The following C10orf53 variants were observed in gnomAD, a reference collection of about 807,000 sequenced individuals.
C10orf53 encodes the protein UPF0728 protein C10orf53.
Under a neutral mutation model 9.4 loss-of-function variants are expected in C10orf53, and 8 were observed. That is an observed-to-expected ratio of 0.85 (90% confidence interval 0.50 to 1.53). The LOEUF is 1.53. Among genes scored for constraint, C10orf53 ranks in the 40% most tolerant of loss-of-function variants. The pLI is 0.00. For missense variants in C10orf53, 117 were observed against 117.8 expected, an observed-to-expected ratio of 0.99 and a Z score of 0.03; for synonymous variants, 48 against 46.0, an observed-to-expected ratio of 1.04 and a Z score of -0.18.
At position 49,679,894 on chromosome 10, in the gene C10orf53, G is replaced by C. The variant is rs924317654; in HGVS notation, c.97+100G>C. 4.6e-6 allele frequency: 5 copies of C among 1,085,516 alleles called. No individual in the cohort carries two copies. In the African/African-American group the frequency reaches 8.4e-5, roughly 18 times the overall value. 67.2% of individuals were successfully genotyped at this position (1,085,516 alleles called of 1,614,324 possible). ...GGCCTTCCTCAGACCCCCACGAAGC[G>C]CCACCTCTCCAGGAAGTCTTCCCCA... On this transcript the variant is annotated intron_variant, in intron 1 of 2. Coordinates refer to ENST00000374111, the MANE Select transcript of C10orf53 (RefSeq NM_001042427.3).
intron 1 of C10orf53, among the ~76,000 whole-genome samples, chr10:49,692,564 GC>G (rs994050545): frequency 6.6e-6 from 1 of 152,134 alleles, no homozygotes; most frequent in African/African-American, 2.4e-5. Flanking sequence ...TAAAGAATAT[GC>G]CCCCGTCTGT....
downstream of C10orf53, among the ~76,000 whole-genome samples, chr10:49,698,994 C>T (rs1270234959): frequency 6.6e-6 from 1 of 152,078 alleles, no homozygotes; most frequent in Non-Finnish European, 1.5e-5. Context: ...TGCAGGGTAT[C>T]AATCTTCTGA....
downstream of C10orf53, among the ~76,000 whole-genome samples, chr10:49,701,397 G>A (rs11592068): frequency 0.46 from 68,944 of 151,428 alleles, 16,058 homozygotes; most frequent in Middle Eastern, 0.5. Context: ...AAATTGCTGC[G>A]TTTTTTTTTA....
At chr10:49,691,276 C>A (rs1342096805) in intron 1 of C10orf53, among the ~76,000 whole-genome samples, 1 of 152,172 alleles carries the variant, frequency 6.6e-6, no homozygotes, top group African/African-American at 2.4e-5. Context: ...TCAACACCTC[C>A]CAGAGTGATG....
downstream of C10orf53, among the ~76,000 whole-genome samples, chr10:49,702,438 G>A (rs1564508914): frequency 6.6e-6 from 1 of 152,156 alleles, no homozygotes; most frequent in Non-Finnish European, 1.5e-5. Context: ...CCCACTCAAG[G>A]TGGGAGCCTC....
At chr10:49,683,829 G>A (rs190156182) in intron 1 of C10orf53, among the ~76,000 whole-genome samples, 4 of 152,304 alleles carry the variant, frequency 2.6e-5, no homozygotes, top group East Asian at 3.9e-4. Context: ...CCTGGAGGCC[G>A]AGGTTGCAGT....
At chr10:49,703,168 G>T (rs1840696991) in intron 2 of C10orf53, among the ~76,000 whole-genome samples, 1 of 152,074 alleles carries the variant, frequency 6.6e-6, no homozygotes, top group Non-Finnish European at 1.5e-5. Context: ...TCCCTTGGCT[G>T]TGGTTTCACC....
intron 2 of C10orf53, among the ~76,000 whole-genome samples, chr10:49,705,294 G>A (rs1280596575): frequency 1.3e-5 from 2 of 152,200 alleles, no homozygotes; most frequent in Non-Finnish European, 2.9e-5. Flanking sequence ...TGGGGTGGCA[G>A]AGGGACAGCA....
At chr10:49,693,671 A>T in intron 1 of C10orf53, 103 bp from the exon 2 acceptor site, 2 of 1,390,952 alleles carry the variant, frequency 1.4e-6, no homozygotes, top group Non-Finnish European at 2.0e-6. Flanking sequence ...ACCCATGAGC[A>T]ACTAGATGGC....
chr10:49,685,516 G>A (rs1429016952), intron 1 of C10orf53, among the ~76,000 whole-genome samples: 2 of 151,742 alleles, frequency 1.3e-5, no homozygotes, highest in African/African-American at 2.4e-5. Flanking sequence ...CTGTACATGT[G>A]TATAATGTAT....
rs77350293 is a variant in C10orf53, at chr10:49,696,734, G to T, written c.*2132G>T. On this transcript the variant is annotated 3_prime_UTR_variant, in exon 3 of 3. Transcript: ENST00000374111. ...ATCAGCATTGCTGGGAAAAATCACCGAGGTTTCCTCTGAGCAGTGGGATTG... is the reference window on the plus strand; with the variant it reads ...ATCAGCATTGCTGGGAAAAATCACCTAGGTTTCCTCTGAGCAGTGGGATTG... 3.3e-5 allele frequency among the ~76,000 whole-genome samples: 5 copies of T among 152,046 alleles called. No individual in the cohort carries two copies. Among genetic ancestry groups the T allele is most frequent in the African/African-American group, 1.2e-4 (5 of 41,398 alleles).
intron 2 of C10orf53, among the ~76,000 whole-genome samples, chr10:49,706,968 G>A (rs186165591): frequency 2.6e-5 from 4 of 152,206 alleles, no homozygotes; most frequent in African/African-American, 7.2e-5. Context: ...AGAGCAAGAC[G>A]AGTAGGTAGG....
chr10:49,708,133 T>C (rs1188344725), intron 2 of C10orf53, among the ~76,000 whole-genome samples: 1 of 152,202 alleles, frequency 6.6e-6, no homozygotes. Context: ...AGCCCTGATT[T>C]CTTTGTTACA....
intron 1 of C10orf53, among the ~76,000 whole-genome samples, chr10:49,687,297 T>C (rs1395067966): frequency 6.6e-6 from 1 of 152,252 alleles, no homozygotes; most frequent in Non-Finnish European, 1.5e-5. Flanking sequence ...GATGCATAAA[T>C]GAACATTTTG....
rs192806530 is a variant in C10orf53 at position 49,682,432 on chromosome 10, C to T, written c.97+2638C>T. ...GACTTCAGGAATGAAGTTGCAGACC[C>T]TTGCAGTGAGTGTTACAGCTCTTAA... On this transcript the variant is annotated intron_variant, in intron 1 of 2. Transcript: ENST00000374111. 5.4e-3 allele frequency among the ~76,000 whole-genome samples: 829 copies of T among 152,288 alleles called. 4 individuals are homozygous for T. The highest frequency in any genetic ancestry group is 7.7e-3 in the Non-Finnish European group (524 of 68,036).
chr10:49,686,971 A>G (rs1840535069), intron 1 of C10orf53, among the ~76,000 whole-genome samples: 1 of 152,228 alleles, frequency 6.6e-6, no homozygotes, highest in African/African-American at 2.4e-5. Context: ...CAAGACTGCC[A>G]CCAGGTCAGA....
At chr10:49,693,922 G>A in intron 2 of C10orf53, 29 bp downstream of exon 2, 2 of 1,614,154 alleles carry the variant, frequency 1.2e-6, no homozygotes, top group Non-Finnish European at 1.7e-6. Flanking sequence ...CTTCCAGCCA[G>A]CAATTTGCCT....
At chr10:49,707,220 T>C (rs888603903) in intron 2 of C10orf53, among the ~76,000 whole-genome samples, 2 of 152,054 alleles carry the variant, frequency 1.3e-5, no homozygotes, top group African/African-American at 4.8e-5. Context: ...ATTTAACAGG[T>C]GGGGAAACTG....
chr10:49,691,368 C>T (rs1218590612), intron 1 of C10orf53, among the ~76,000 whole-genome samples: 1 of 152,222 alleles, frequency 6.6e-6, no homozygotes, highest in Non-Finnish European at 1.5e-5. Flanking sequence ...ACTTAGGTCA[C>T]TCTGTGGGTC....
Sources: gnomAD v4.1 joint callset for allele counts (sites outside exome capture counted in the v4.1 genomes callset) on GRCh38, gnomAD v4.1.1 for gene constraint, MANE v1.5 for transcripts, NCBI Gene and HGNC (gene_info 2026-07-23, HGNC 2026-07-21) for gene names.